DNAH3: variants seen among roughly 807,000 people sequenced by gnomAD.
DNAH3 encodes the protein dynein axonemal heavy chain 3, also known as axonemal beta dynein heavy chain 3.
A neutral mutation model predicts 432.5 loss-of-function variants in DNAH3; 332 were observed. The ratio of observed to expected loss-of-function variants is 0.77; its 90% confidence interval spans 0.70 to 0.84. The LOEUF (loss-of-function observed/expected upper bound fraction) is 0.84, where lower values mean the gene tolerates loss of function less well. DNAH3 is among the 40% of genes least tolerant of loss of function. The pLI is 0.00. For synonymous variants in DNAH3, 1,956 were observed against 1,900.2 expected (o/e 1.03, Z -0.76); for missense variants, 4,861 against 5,114.0 (o/e 0.95, Z 1.51).
At chr16:21,065,967 C>T (rs181746582) in intron 24 of DNAH3, among the ~76,000 whole-genome samples, 2 of 152,038 alleles carry the variant, frequency 1.3e-5, no homozygotes, top group African/African-American at 4.8e-5. Context: ...GCTGGGATTA[C>T]AGGTGCCCCC....
At chr16:21,123,557 C>A (rs1162110444) in intron 9 of DNAH3, among the ~76,000 whole-genome samples, 1 of 152,138 alleles carries the variant, frequency 6.6e-6, no homozygotes, top group Non-Finnish European at 1.5e-5. Context: ...GCTAACATTG[C>A]AATTCAGCCC....
intron 52 of DNAH3, among the ~76,000 whole-genome samples, chr16:20,967,075 C>T (rs1028567361): frequency 6.6e-6 from 1 of 152,178 alleles, no homozygotes; most frequent in African/African-American, 2.4e-5. Context: ...TACTCTGAGA[C>T]ATCACATTGA....
At chr16:21,036,685 G>A in intron 35 of DNAH3, 29 bp downstream of exon 35, 1 of 1,603,778 alleles carries the variant, frequency 6.2e-7, no homozygotes, top group Non-Finnish European at 8.5e-7. Flanking sequence ...CAGTAAAACA[G>A]GCACATTTAT....
chr16:21,105,484 G>A (rs1235195499), intron 15 of DNAH3, among the ~76,000 whole-genome samples: 1 of 152,202 alleles, frequency 6.6e-6, no homozygotes, highest in Non-Finnish European at 1.5e-5. Flanking sequence ...ACAGATGGGC[G>A]GCCAGGGGCT....
At chr16:20,938,753 C>T (rs2083692278) in intron 59 of DNAH3, among the ~76,000 whole-genome samples, 2 of 150,866 alleles carry the variant, frequency 1.3e-5, no homozygotes, top group South Asian at 4.2e-4. Flanking sequence ...TCCTGACCAT[C>T]ATTGGAAAAT....
At chr16:21,091,313 T>C (rs890947490) in intron 18 of DNAH3, among the ~76,000 whole-genome samples, 1 of 151,784 alleles carries the variant, frequency 6.6e-6, no homozygotes, top group Non-Finnish European at 1.5e-5. Flanking sequence ...GAATATCACA[T>C]TGAACCCCAT....
intron 2 of DNAH3, 92 bp downstream of exon 3, chr16:21,145,892 C>T (rs934013289): frequency 2.2e-5 from 19 of 857,220 alleles, no homozygotes; most frequent in African/African-American, 1.8e-4. Flanking sequence ...ACTCTCCACC[C>T]TCATTGAGTA....
In DNAH3 at chr16:21,060,210, A is replaced by G. The variant is rs375180374; in HGVS notation, c.3813+54T>C. ...TACTGACACATGAACCTTCTCCCCA[A>G]TGTTCTCTTTAGTGCACTAGTGTCC... On this transcript the variant is annotated intron_variant, in intron 26 of 61. Transcript: ENST00000261383. 274 of 1,426,012 alleles carry G rather than the reference A, an allele frequency of 1.9e-4. 1 individual carries two copies. Among genetic ancestry groups the G allele is most frequent in the Non-Finnish European group, 2.4e-4 (244 of 1,010,022 alleles). The allele number at this position is 1,426,012 out of a possible 1,614,324, so 88.3% of individuals were successfully genotyped here.
intron 20 of DNAH3, among the ~76,000 whole-genome samples, chr16:21,079,481 G>C (rs2091100523): frequency 6.6e-6 from 1 of 152,078 alleles, no homozygotes; most frequent in South Asian, 2.1e-4. Flanking sequence ...AAATTAGCCA[G>C]GCATGATGGC....
At chr16:21,117,727 T>C (rs551300367) in intron 11 of DNAH3, among the ~76,000 whole-genome samples, 16 of 152,330 alleles carry the variant, frequency 1.1e-4, no homozygotes, top group African/African-American at 3.1e-4. Context: ...AGGTGTGTCA[T>C]AGAATACAAA....
chr16:21,020,003 AC>A, intron 40 of DNAH3, 134 bp from the exon 41 acceptor site: 1 of 946,536 alleles, frequency 1.1e-6, no homozygotes, highest in Non-Finnish European at 1.6e-6. Context: ...CCTATCACCT[AC>A]CAGATCATTT....
intron 57 of DNAH3, 98 bp from the exon 58 acceptor site, chr16:20,944,761 G>T: frequency 1.8e-6 from 2 of 1,129,214 alleles, no homozygotes; most frequent in Non-Finnish European, 1.3e-6. Flanking sequence ...GAATCATACT[G>T]TATCAGTAGC....
intron 20 of DNAH3, among the ~76,000 whole-genome samples, chr16:21,077,771 T>C (rs1035081376): frequency 6.6e-6 from 1 of 152,158 alleles, no homozygotes; most frequent in African/African-American, 2.4e-5. Flanking sequence ...CTGTCTTTCA[T>C]TGCATCCTTG....
chr16:21,150,983 G>C (rs946129516), intron 1 of DNAH3, among the ~76,000 whole-genome samples, 137 bp from the exon 1 acceptor site: 3 of 152,188 alleles, frequency 2.0e-5, no homozygotes, highest in Non-Finnish European at 2.9e-5. Flanking sequence ...AAGTGTTGGT[G>C]ACAGAAGGGA....
chr16:20,985,708 A>G (rs371315674), exon 48 of DNAH3: 42 of 1,612,276 alleles, frequency 2.6e-5, no homozygotes, highest in Non-Finnish European at 3.1e-5. Flanking sequence ...TGACAAGTGG[A>G]TAAGCACCTG....
intron 53 of DNAH3, among the ~76,000 whole-genome samples, chr16:20,962,277 GGT>G (rs1289051719): frequency 3.3e-5 from 5 of 152,204 alleles, no homozygotes; most frequent in African/African-American, 1.2e-4. Flanking sequence ...TAAAGTCAGT[GGT>G]TCCCATCCCT....
chr16:20,950,891 T>C (rs115014347), intron 56 of DNAH3, among the ~76,000 whole-genome samples: 3,896 of 151,844 alleles, frequency 0.026, 185 homozygotes, highest in African/African-American at 0.09. Flanking sequence ...GGTGTGATCA[T>C]AGCTCACTAC....
chr16:21,124,815 A>T (rs2092414266), intron 9 of DNAH3, among the ~76,000 whole-genome samples: 1 of 151,930 alleles, frequency 6.6e-6, no homozygotes, highest in African/African-American at 2.4e-5. Flanking sequence ...ATGCCAGGAA[A>T]ATTTTTGTAT....
chr16:21,067,508 A>T, intron 23 of DNAH3, 89 bp from the exon 24 acceptor site: 2 of 1,417,802 alleles, frequency 1.4e-6, no homozygotes, highest in East Asian at 4.6e-5. Flanking sequence ...CTATCAACTG[A>T]CAGCACTCCT....
Sources: allele counts gnomAD v4.1 joint callset (sites outside exome capture counted in the v4.1 genomes callset), GRCh38; gene constraint gnomAD v4.1.1; transcripts MANE v1.5; gene names NCBI Gene and HGNC (gene_info 2026-07-23, HGNC 2026-07-21).